The following PDE1C variants were observed in gnomAD, a reference collection of about 807,000 sequenced individuals.
PDE1C encodes the protein dual specificity calcium/calmodulin-dependent 3',5'-cyclic nucleotide phosphodiesterase 1C.
Under a neutral mutation model 93.1 loss-of-function variants are expected in PDE1C, and 62 were observed. That is an observed-to-expected ratio of 0.67 (90% confidence interval 0.54 to 0.82). PDE1C has a LOEUF of 0.82. PDE1C is among the 40% of genes least tolerant of loss of function. The pLI, the probability that PDE1C is intolerant of heterozygous loss-of-function variation, is 0.00. For synonymous variants in PDE1C, 325 were observed against 310.1 expected, an observed-to-expected ratio of 1.05 and a Z score of -0.50; for missense variants, 742 against 884.6, an observed-to-expected ratio of 0.84 and a Z score of 2.04.
At chr7:31,680,032 C>T in the PDE1C span, among the ~76,000 whole-genome samples, 1 of 152,164 alleles carries the variant, frequency 6.6e-6, no homozygotes, top group African/African-American at 2.4e-5. Flanking sequence ...AGAGAGTGTC[C>T]GGATGCACCT....
At chr7:31,787,028 A>G (rs1784079289) in intron 16 of PDE1C, 1 of 152,158 alleles carries the variant, frequency 6.6e-6, no homozygotes, top group Non-Finnish European at 1.5e-5. Context: ...GTGATATTAA[A>G]ATAAACAGTA....
chr7:32,169,746 CAAAT>C (rs767676496), intron 3 of PDE1C: 1 of 1,584,302 alleles, frequency 6.3e-7, no homozygotes, highest in Non-Finnish European at 8.7e-7. Context: ...ACTCCACAAG[CAAAT>C]AAGAAGGAAC....
chr7:31,930,185 C>T (rs1803994108), intron 2 of PDE1C, among the ~76,000 whole-genome samples: 2 of 152,102 alleles, frequency 1.3e-5, no homozygotes, highest in African/African-American at 4.8e-5. Context: ...AATTCCTGGA[C>T]ACATACACCC....
At chr7:31,930,848 CAAAAAAAAAAA>C (rs56394903) in intron 2 of PDE1C, among the ~76,000 whole-genome samples, 9 of 32,640 alleles carry the variant, frequency 2.8e-4, no homozygotes, top group African/African-American at 5.1e-4. Context: ...GACTCTGTCT[CAAAAAAAAAAA>C]AAAAAAAAAA....
chr7:32,150,614 G>T (rs1295048555), intron 3 of PDE1C, among the ~76,000 whole-genome samples: 2 of 152,180 alleles, frequency 1.3e-5, no homozygotes, highest in Non-Finnish European at 2.9e-5. Flanking sequence ...GACTACAGGG[G>T]TTCAAAATCC....
chr7:32,323,465 C>T (rs1321360099), intron 1 of PDE1C, among the ~76,000 whole-genome samples: 2 of 152,090 alleles, frequency 1.3e-5, no homozygotes, highest in African/African-American at 4.8e-5. Context: ...TGAAGGAGCC[C>T]AGACCTAGGT....
Position 31,764,819 on chromosome 7 carries a change from T to C in PDE1C, c.1960+10845A>G, listed in dbSNP as rs189549331. Among the ~76,000 whole-genome samples the C allele has an allele frequency of 4.0e-3, 615 of 152,326 alleles. 1 individual carries two copies. The highest frequency in any genetic ancestry group is 7.2e-3 in the Non-Finnish European group (492 of 68,024). On this transcript the variant is annotated intron_variant, in intron 17 of 17. Transcript: ENST00000396191. ...CAGTATTAACTGGTGGTGAGAAATA[T>C]TTAATGAGTGAATAAACTACTCTAC... is the stretch of plus-strand genomic sequence containing the variant.
chr7:31,746,391 C>T (rs1196407026), downstream of PDE1C, among the ~76,000 whole-genome samples: 2 of 152,146 alleles, frequency 1.3e-5, no homozygotes, highest in East Asian at 3.9e-4. Context: ...TGTACAAGAG[C>T]TGCAGGAGAA....
chr7:32,070,472 G>A, upstream of PDE1C: 2 of 1,577,186 alleles, frequency 1.3e-6, no homozygotes, highest in East Asian at 2.3e-5. Flanking sequence ...CCCAGCTCGC[G>A]ATGCCCAGCC....
At chr7:32,172,499 C>A (rs1225219708) in intron 2 of PDE1C, among the ~76,000 whole-genome samples, 1 of 152,122 alleles carries the variant, frequency 6.6e-6, no homozygotes, top group African/African-American at 2.4e-5. Flanking sequence ...GAGATACCAT[C>A]TCATGCCAGT....
intron 3 of PDE1C, among the ~76,000 whole-genome samples, chr7:32,094,081 G>T (rs1196746871): frequency 6.6e-6 from 1 of 152,244 alleles, no homozygotes; most frequent in East Asian, 1.9e-4. Context: ...TGTCCCCCAT[G>T]GCATAGGTGT....
At chr7:31,804,947 A>C (rs538960393) in intron 16 of PDE1C, among the ~76,000 whole-genome samples, 1 of 151,908 alleles carries the variant, frequency 6.6e-6, no homozygotes, top group African/African-American at 2.4e-5. Flanking sequence ...TCTCATCTTG[A>C]ATCATAGATC....
chr7:31,748,505 T>C (rs189161928), downstream of PDE1C, among the ~76,000 whole-genome samples: 68 of 152,350 alleles, frequency 4.5e-4, no homozygotes, highest in African/African-American at 1.6e-3. Context: ...GCAGTTAAAA[T>C]ATGAACATGT....
At chr7:32,049,207 GAACAA>G (rs1048269313) in intron 2 of PDE1C, among the ~76,000 whole-genome samples, 1 of 152,140 alleles carries the variant, frequency 6.6e-6, no homozygotes, top group Non-Finnish European at 1.5e-5. Flanking sequence ...CAACGAACCT[GAACAA>G]GACAGAATTG....
At chr7:31,808,993 C>CA in intron 16 of PDE1C, 38 bp downstream of exon 16, 1 of 1,215,024 alleles carries the variant, frequency 8.2e-7, no homozygotes, top group East Asian at 2.3e-5. Context: ...TTAAACTGCA[C>CA]ATTTTATGGA....
At chr7:32,046,387 G>A (rs1484018480) in intron 2 of PDE1C, among the ~76,000 whole-genome samples, 3 of 152,086 alleles carry the variant, frequency 2.0e-5, no homozygotes, top group Admixed American at 1.3e-4. Flanking sequence ...ATAATCTAGC[G>A]AGAGAAGAGT....
intron 2 of PDE1C, among the ~76,000 whole-genome samples, chr7:31,934,024 G>A (rs1189541875): frequency 3.9e-5 from 6 of 152,212 alleles, no homozygotes; most frequent in Admixed American, 2.6e-4. Context: ...TTGAACATGC[G>A]CTATTCCACT....
In PDE1C at chr7:32,406,600, A is replaced by G. The variant is rs143307758; in HGVS notation, c.310+21222T>C. 3.4e-3 allele frequency among the ~76,000 whole-genome samples: 513 copies of G among 152,232 alleles called. 5 individuals carry two copies. The highest frequency in any genetic ancestry group is 0.012 in the African/African-American group (482 of 41,544). On this transcript the variant is annotated intron_variant, in intron 1 of 1. Coordinates refer to the PDE1C transcript ENST00000672256. The stretch of plus-strand genomic sequence containing the variant: ...ATAAAATGCTGAGCAAGGTTAATGA[A>G]AAGCAATATTTTTCAGAAGGGTTTC...
intron 1 of PDE1C, among the ~76,000 whole-genome samples, chr7:32,230,556 G>T (rs1807622131): frequency 6.6e-6 from 1 of 152,110 alleles, no homozygotes; most frequent in African/African-American, 2.4e-5. Flanking sequence ...AGCTCAGGGA[G>T]GCAGGGAGAC....
Sources: allele counts gnomAD v4.1 joint callset (sites outside exome capture counted in the v4.1 genomes callset), GRCh38; gene constraint gnomAD v4.1.1; transcripts MANE v1.5; gene names NCBI Gene and HGNC (gene_info 2026-07-23, HGNC 2026-07-21).